Variants in HYDIN observed in about 807,000 individuals in gnomAD.
HYDIN encodes HYDIN axonemal central pair apparatus protein, also known as axonemal central pair apparatus protein HYDIN.
HYDIN carries 132 observed loss-of-function variants against 403.9 expected under a neutral mutation model. The ratio of observed to expected loss-of-function variants is 0.33; its 90% CI spans 0.28 to 0.38. The LOEUF (loss-of-function observed/expected upper bound fraction) is 0.38, where lower values mean the gene tolerates loss of function less well. Among genes scored for constraint, HYDIN ranks in the 10% least tolerant of loss-of-function variants. HYDIN has a pLI of 1.00. For missense variants in HYDIN, 2,827 were observed against 5,009.5 expected, an observed-to-expected ratio of 0.56 and a Z score of 13.15; for synonymous variants, 1,202 against 1,891.7, an observed-to-expected ratio of 0.64 and a Z score of 9.46.
intron 7 of HYDIN, among the ~76,000 whole-genome samples, chr16:71,151,231 G>A (rs1177369893): frequency 3.9e-5 from 6 of 152,040 alleles, no homozygotes; most frequent in East Asian, 1.9e-4. Context: ...AGCAGCCAAC[G>A]AGTGTGGCTA....
chr16:71,062,268 G>A lies in HYDIN; in HGVS notation c.2277C>T (p.Ser759=). 1 of 1,533,394 alleles carries A rather than the reference G, an allele frequency of 6.5e-7. No homozygotes were observed. The highest frequency in any genetic ancestry group is 8.9e-7 in the Non-Finnish European group (1 of 1,122,180). 95.0% of individuals were successfully genotyped at this position (1,533,394 alleles called of 1,614,324 possible). ...SPTPSGVISP[S]STIHIPLVLE... ...GGACCAGTGGTATGTGGATGGTGCT[G>A]CTTGGGGAGATGACCCCGCTGGGGG... The change falls in exon 17 of 86, where the codon AGC becomes AGT. Residue 759 remains serine, a synonymous_variant. Transcript: ENST00000393567.
In HYDIN at chr16:70,908,872, A is replaced by T. The variant is rs762130500; in HGVS notation, c.8005-11T>A. On this transcript the variant is annotated splice_polypyrimidine_tract_variant and intron_variant, in intron 47 of 85. Coordinates refer to ENST00000393567, the MANE Select transcript of HYDIN (RefSeq NM_001270974.2). ...CTGCTCCTCTTGAGCCTTAATTAAAAACGAGCATGAGGTCTTAAATATTCA... is the reference window on the plus strand; with the variant it reads ...CTGCTCCTCTTGAGCCTTAATTAAATACGAGCATGAGGTCTTAAATATTCA... The T allele has an allele frequency of 6.2e-7, 1 of 1,610,026 alleles. No homozygotes were observed. The highest frequency in any genetic ancestry group is 1.7e-5 in the Admixed American group (1 of 59,134).
intron 23 of HYDIN, among the ~76,000 whole-genome samples, chr16:71,002,076 C>T (rs1053518932): frequency 1.3e-5 from 2 of 152,192 alleles, no homozygotes; most frequent in Non-Finnish European, 2.9e-5. Context: ...CAAGGGCATT[C>T]TTTATGTAGT....
chr16:71,185,388 A>G (rs1418370499), intron 2 of HYDIN, among the ~76,000 whole-genome samples: 3 of 152,166 alleles, frequency 2.0e-5, no homozygotes, highest in Non-Finnish European at 2.9e-5. Flanking sequence ...AGTTTGAAAT[A>G]CCTCTATTTC....
chr16:70,837,664 C>G (rs763179516), intron 77 of HYDIN, 26 bp downstream of exon 77: 1 of 1,613,368 alleles, frequency 6.2e-7, no homozygotes, highest in Non-Finnish European at 8.5e-7. Context: ...GGTGCCACGC[C>G]TGAAGGCCTC....
chr16:71,181,723 C>T (rs1478049427), intron 3 of HYDIN, among the ~76,000 whole-genome samples: 1 of 152,110 alleles, frequency 6.6e-6, no homozygotes, highest in East Asian at 1.9e-4. Context: ...ATTAAAAATT[C>T]ATGTCTTCAT....
intron 25 of HYDIN, 156 bp downstream of exon 25, chr16:70,991,162 T>C: frequency 5.0e-6 from 5 of 1,004,940 alleles, no homozygotes; most frequent in Non-Finnish European, 2.9e-6. Flanking sequence ...GTGTTGGCTC[T>C]GGGGTGTTTG....
chr16:70,887,984 A>T (rs2041244687), intron 58 of HYDIN, among the ~76,000 whole-genome samples: 1 of 152,120 alleles, frequency 6.6e-6, no homozygotes, highest in African/African-American at 2.4e-5. Flanking sequence ...CGCCTGGCCC[A>T]AGTTCACTGA....
intron 1 of HYDIN, among the ~76,000 whole-genome samples, chr16:71,200,722 T>A (rs954726298): frequency 3.3e-5 from 5 of 152,204 alleles, no homozygotes; most frequent in African/African-American, 1.2e-4. Flanking sequence ...TACATTAAAA[T>A]TGAGGTTCTC....
At chr16:70,923,471 A>G (rs1450385106) in intron 45 of HYDIN, among the ~76,000 whole-genome samples, 1 of 42,882 alleles carries the variant, frequency 2.3e-5, no homozygotes, top group Admixed American at 1.8e-4. Context: ...TCCATCTCCA[A>G]AAAAAAAAAA....
Position 71,178,975 on chromosome 16 carries a change from G to T in HYDIN, c.334C>A (p.Pro112Thr). The T allele has an allele frequency of 6.2e-7, 1 of 1,610,326 alleles. No individual in the cohort carries two copies. Among genetic ancestry groups the T allele is most frequent in the Non-Finnish European group, 8.5e-7 (1 of 1,176,886 alleles). Residue 112 changes from proline (P) to threonine (T), a missense_variant, in exon 4 of 86, where the codon CCC (proline) becomes ACC (threonine). Pro to Thr is a conservative substitution (Grantham distance 38). Coordinates refer to ENST00000393567, the MANE Select transcript of HYDIN (RefSeq NM_001270974.2). Reference protein sequence around the residue: ...PSEIIFQNYTPCEVYEVPLIL... With the variant: ...PSEIIFQNYTTCEVYEVPLIL... ...AGTGGAACTTCATAGACTTCACAGG[G>T]AGTGTAGTTCTGAAATATAATTTCT...
chr16:71,166,059 G>T (rs1386960123), intron 5 of HYDIN, among the ~76,000 whole-genome samples: 1 of 148,952 alleles, frequency 6.7e-6, no homozygotes, highest in South Asian at 2.2e-4. Context: ...GACTGCAGCG[G>T]GAAGAGGGAG....
chr16:71,230,170 T>C (rs2041217675), intron 1 of HYDIN, among the ~76,000 whole-genome samples: 1 of 152,240 alleles, frequency 6.6e-6, no homozygotes, highest in Admixed American at 6.5e-5. Context: ...AGCAGAATGA[T>C]AACAGATTAA....
intron 36 of HYDIN, among the ~76,000 whole-genome samples, chr16:70,966,793 G>A (rs2078590188): frequency 1.3e-5 from 2 of 152,236 alleles, no homozygotes; most frequent in Non-Finnish European, 2.9e-5. Context: ...AAATCCACCA[G>A]AGAATGAGCT....
chr16:70,960,554 C>T (rs1232056267), intron 38 of HYDIN, among the ~76,000 whole-genome samples: 1 of 150,362 alleles, frequency 6.7e-6, no homozygotes, highest in East Asian at 2.0e-4. Context: ...CAGCCAGATA[C>T]ATATAGTCAT....
intron 1 of HYDIN, among the ~76,000 whole-genome samples, chr16:71,202,528 A>T (rs1436317695): frequency 6.6e-6 from 1 of 152,094 alleles, no homozygotes; most frequent in Non-Finnish European, 1.5e-5. Flanking sequence ...TTTCTTAGTG[A>T]CTTCTTTATG....
intron 6 of HYDIN, among the ~76,000 whole-genome samples, chr16:71,156,872 G>GT (rs201801717): frequency 0.014 from 2,097 of 152,048 alleles, 58 homozygotes; most frequent in African/African-American, 0.048. Context: ...ACCTACTAGA[G>GT]TTTTAGGTCA....
rs953722985 is a variant in HYDIN at position 70,806,726 on chromosome 16, C to A, written c.*854G>T. On this transcript the variant is annotated 3_prime_UTR_variant, in exon 86 of 86. Transcript: ENST00000393567. Reference sequence around the variant, plus strand: ...ACCCTCCGTCAGAGGTGTATGTCTGCAGAAGCAAACCCATGCCAGGGCCAG... The same window carrying A: ...ACCCTCCGTCAGAGGTGTATGTCTGAAGAAGCAAACCCATGCCAGGGCCAG... Among the ~76,000 whole-genome samples the A allele has an allele frequency of 2.0e-5, 3 of 152,158 alleles. No individual in the cohort carries two copies. Among genetic ancestry groups the A allele is most frequent in the Non-Finnish European group, 4.4e-5 (3 of 68,026 alleles).
In HYDIN at chr16:70,803,221, G is replaced by A. The variant is rs1210357033; in HGVS notation, c.*4359C>T. Among the ~76,000 whole-genome samples the A allele has an allele frequency of 3.9e-5, 6 of 152,106 alleles. No homozygotes were observed. The South Asian group carries it at 8.3e-4, about 21-fold the overall frequency. On this transcript the variant is annotated 3_prime_UTR_variant, in exon 86 of 86. Transcript: ENST00000393567. Reference sequence around the variant, plus strand: ...ATTATATTCTGGCTCAGGTTGCTAAGTAACCAGTTTTTTATTCAAGGCCCA... The same window carrying A: ...ATTATATTCTGGCTCAGGTTGCTAAATAACCAGTTTTTTATTCAAGGCCCA...
Sources: gnomAD v4.1 joint callset for allele counts (sites outside exome capture counted in the v4.1 genomes callset) on GRCh38, gnomAD v4.1.1 for gene constraint, MANE v1.5 for transcripts, NCBI Gene and HGNC (gene_info 2026-07-23, HGNC 2026-07-21) for gene names.